The following APBA2 variants were observed in gnomAD, a reference collection of about 807,000 sequenced individuals.
APBA2 encodes the protein amyloid beta precursor protein binding family A member 2.
Under a neutral mutation model 75.0 loss-of-function variants are expected in APBA2, and 30 were observed. The observed-to-expected ratio is 0.40, with a 90% CI of 0.30 to 0.54. APBA2 has a LOEUF of 0.54. Ranked by LOEUF, APBA2 falls within the 20% of genes least tolerant of loss-of-function variation. The pLI is 0.49. For synonymous variants in APBA2, 444 were observed against 409.6 expected (o/e 1.08, Z -1.01); for missense variants, 801 against 1,016.1 (o/e 0.79, Z 2.88).
chr15:29,090,411 A>C (rs2043503753), intron 6 of APBA2, among the ~76,000 whole-genome samples: 1 of 152,242 alleles, frequency 6.6e-6, no homozygotes, highest in Non-Finnish European at 1.5e-5. Flanking sequence ...GACATGGGTC[A>C]ACATGGAAAT....
chr15:29,112,468 A>T (rs1379769600), intron 13 of APBA2, among the ~76,000 whole-genome samples: 2 of 152,128 alleles, frequency 1.3e-5, no homozygotes, highest in Non-Finnish European at 2.9e-5. Context: ...GTGTACACGC[A>T]TGTGTGTTTG....
chr15:29,049,402 C>G (rs11858246), intron 3 of APBA2, among the ~76,000 whole-genome samples: 2,394 of 152,256 alleles, frequency 0.016, 74 homozygotes, highest in African/African-American at 0.055. Context: ...TTGCTTGCTC[C>G]AAGGGAAGAG....
chr15:28,926,595 C>T (rs1379661076), intron 2 of APBA2, among the ~76,000 whole-genome samples: 1 of 152,026 alleles, frequency 6.6e-6, no homozygotes, highest in African/African-American at 2.4e-5. Context: ...TTTTATTTCA[C>T]TGTCATTTAT....
intron 2 of APBA2, among the ~76,000 whole-genome samples, chr15:28,944,686 T>C (rs1478837872): frequency 6.6e-6 from 1 of 152,224 alleles, no homozygotes; most frequent in African/African-American, 2.4e-5. Flanking sequence ...ATGGAACAGC[T>C]GTACTGTGCA....
At position 29,076,069 on chromosome 15, in the gene APBA2, A is replaced by G; in HGVS notation, c.1047A>G (p.Ala349=). 6.2e-7 allele frequency: 1 copy of G among 1,614,180 alleles called. No homozygotes were observed. Among genetic ancestry groups the G allele is most frequent in the Non-Finnish European group, 8.5e-7 (1 of 1,179,996 alleles). The part of the protein sequence containing the change: ...NNNIPETKKV[A]SFPSFVAVPG... ...TTTCCTAACAGACAAAGAAGGTGGC[A>G]TCATTTCCAAGTTTTGTGGCTGGTA... Residue 349 remains alanine (A), a synonymous_variant, in exon 6 of 15, where the codon GCA becomes GCG. Coordinates refer to ENST00000683413, the MANE Select transcript of APBA2 (RefSeq NM_001353788.2).
At chr15:28,906,170 G>A (rs1256898785) in intron 1 of APBA2, among the ~76,000 whole-genome samples, 1 of 152,132 alleles carries the variant, frequency 6.6e-6, no homozygotes, top group Non-Finnish European at 1.5e-5. Context: ...CTTGTCCGTT[G>A]TGCATAGCAG....
intron 1 of APBA2, among the ~76,000 whole-genome samples, chr15:28,888,892 G>T (rs1219405512): frequency 1.3e-5 from 2 of 152,208 alleles, no homozygotes; most frequent in Non-Finnish European, 2.9e-5. Context: ...CACCAGGCAG[G>T]CCTCCCCGAT....
At chr15:28,929,688 G>GT (rs1447414159) in intron 2 of APBA2, among the ~76,000 whole-genome samples, 1 of 152,176 alleles carries the variant, frequency 6.6e-6, no homozygotes, top group Non-Finnish European at 1.5e-5. Context: ...CCCATTCTCA[G>GT]TATTTGGCTT....
chr15:29,098,419 A>C, intron 8 of APBA2, 71 bp from the exon 9 acceptor site: 1 of 1,042,094 alleles, frequency 9.6e-7, no homozygotes, highest in East Asian at 2.4e-5. Context: ...GCATTTTGTC[A>C]TAATGCTATT....
chr15:29,013,729 G>T (rs2039519331), intron 3 of APBA2, among the ~76,000 whole-genome samples: 1 of 152,158 alleles, frequency 6.6e-6, no homozygotes, highest in Non-Finnish European at 1.5e-5. Context: ...TTGATGAAAG[G>T]AGCAATTGGA....
chr15:28,997,004 G>C (rs2038563361), intron 3 of APBA2, among the ~76,000 whole-genome samples: 1 of 152,158 alleles, frequency 6.6e-6, no homozygotes, highest in Admixed American at 6.5e-5. Flanking sequence ...CCACAAGTGT[G>C]GCTATTTGAA....
chr15:28,909,202 G>A (rs1338575562), intron 1 of APBA2, among the ~76,000 whole-genome samples: 2 of 151,524 alleles, frequency 1.3e-5, no homozygotes, highest in Non-Finnish European at 2.9e-5. Flanking sequence ...GTGTTAGCCA[G>A]GATGGTCTCA....
chr15:29,021,925 C>T (rs756165096), intron 3 of APBA2, among the ~76,000 whole-genome samples: 3 of 152,134 alleles, frequency 2.0e-5, no homozygotes, highest in Non-Finnish European at 4.4e-5. Flanking sequence ...GCCTATTTCA[C>T]TTAATGTCCT....
At chr15:28,959,668 C>G (rs769432056) in intron 2 of APBA2, among the ~76,000 whole-genome samples, 5 of 152,226 alleles carry the variant, frequency 3.3e-5, no homozygotes, top group Non-Finnish European at 5.9e-5. Flanking sequence ...TCCTAGAAAA[C>G]TAATACAGTG....
intron 3 of APBA2, among the ~76,000 whole-genome samples, chr15:29,002,886 G>A (rs1408088081): frequency 1.3e-5 from 2 of 152,142 alleles, no homozygotes; most frequent in Non-Finnish European, 2.9e-5. Context: ...TTGTCCAGGA[G>A]GGAGTGAGGG....
intron 3 of APBA2, among the ~76,000 whole-genome samples, chr15:29,028,792 C>T (rs1400056498): frequency 2.6e-5 from 4 of 152,112 alleles, no homozygotes; most frequent in African/African-American, 9.7e-5. Flanking sequence ...GTTTGATGGC[C>T]ACATAAATCT....
chr15:28,929,768 G>T (rs956345959), intron 2 of APBA2, among the ~76,000 whole-genome samples: 2 of 152,156 alleles, frequency 1.3e-5, no homozygotes, highest in Non-Finnish European at 2.9e-5. Context: ...TCCATGTCTT[G>T]TTGATGGTCC....
chr15:28,904,537 G>A (rs2033039898), intron 1 of APBA2, among the ~76,000 whole-genome samples: 1 of 152,176 alleles, frequency 6.6e-6, no homozygotes, highest in South Asian at 2.1e-4. Context: ...ATTGACATCT[G>A]GAAAGGTTTT....
intron 3 of APBA2, among the ~76,000 whole-genome samples, chr15:29,011,247 A>G (rs2039389306): frequency 6.6e-6 from 1 of 152,208 alleles, no homozygotes; most frequent in African/African-American, 2.4e-5. Flanking sequence ...ATCGATAGAC[A>G]TTGGGTTGCT....
Sources: allele counts gnomAD v4.1 joint callset (sites outside exome capture counted in the v4.1 genomes callset), GRCh38; gene constraint gnomAD v4.1.1; transcripts MANE v1.5; gene names NCBI Gene and HGNC (gene_info 2026-07-23, HGNC 2026-07-21).